The following SNX27 variants were observed in gnomAD, a reference collection of about 807,000 sequenced individuals.
SNX27 encodes the protein sorting nexin-27.
In SNX27, 22 loss-of-function variants were observed where a neutral mutation model predicts 71.6. The ratio of observed to expected loss-of-function variants is 0.31; its 90% CI spans 0.22 to 0.44. The LOEUF (loss-of-function observed/expected upper bound fraction) is 0.44. Among genes scored for constraint, SNX27 ranks in the 20% least tolerant of loss-of-function variants. The pLI, the probability that SNX27 is intolerant of heterozygous loss-of-function variation, is 1.00. For missense variants in SNX27, 531 were observed against 698.6 expected (o/e 0.76, Z 2.70); for synonymous variants, 269 against 277.2 (o/e 0.97, Z 0.29).
chr1:151,667,888 A>G (rs1366987885), intron 6 of SNX27, among the ~76,000 whole-genome samples: 2 of 151,052 alleles, frequency 1.3e-5, no homozygotes, highest in Non-Finnish European at 2.9e-5. Flanking sequence ...TAGCTAATGG[A>G]TTAGATATTT....
chr1:151,648,428 CTTTT>C (rs1267917704), intron 2 of SNX27, among the ~76,000 whole-genome samples: 3 of 151,060 alleles, frequency 2.0e-5, no homozygotes, highest in Admixed American at 2.0e-4. Context: ...TTCTTTCTTT[CTTTT>C]TTTTGAGACG....
intron 3 of SNX27, chr1:151,660,107 T>G (rs992371981): frequency 6.6e-6 from 1 of 152,152 alleles, no homozygotes; most frequent in Non-Finnish European, 1.5e-5. Context: ...TTTTTAAAAA[T>G]CAAACGAAGT....
At chr1:151,625,666 C>G (rs1256177821) in intron 1 of SNX27, among the ~76,000 whole-genome samples, 1 of 151,558 alleles carries the variant, frequency 6.6e-6, no homozygotes, top group East Asian at 1.9e-4. Context: ...GAAACCCCGT[C>G]TCTACTATAA....
chr1:151,626,374 A>G (rs1334786048), intron 1 of SNX27, among the ~76,000 whole-genome samples: 2 of 152,034 alleles, frequency 1.3e-5, no homozygotes, highest in East Asian at 3.8e-4. Flanking sequence ...GAGCCAAGAC[A>G]CTTTTATATT....
chr1:151,689,995 C>T (rs1463338823), intron 8 of SNX27, among the ~76,000 whole-genome samples: 1 of 152,062 alleles, frequency 6.6e-6, no homozygotes, highest in Admixed American at 6.6e-5. Context: ...ATTACAGGTG[C>T]ATGCCACTAT....
rs1453881795 is a variant in SNX27 at position 151,695,356 on chromosome 1, C to T, written c.*939C>T. ...CGACCCTGGCTCAGGAGGTTGATGC[C>T]ATGGGAACCTGAACCTGAAACACTT... On this transcript the variant is annotated 3_prime_UTR_variant, in exon 12 of 12. Coordinates refer to ENST00000458013, the MANE Select transcript of SNX27 (RefSeq NM_001330723.2). The T allele has an allele frequency of 6.6e-6, 1 of 150,648 alleles. No homozygotes were observed. Among genetic ancestry groups the T allele is most frequent in the Non-Finnish European group, 1.5e-5 (1 of 67,894 alleles). The allele number at this position is 150,648 out of a possible 1,614,324, so 9.3% of individuals were successfully genotyped here. A position where few individuals can be genotyped will look rare whatever the true frequency, so the allele number is the denominator to read the frequency against.
At chr1:151,651,873 C>T (rs1048108854) in intron 2 of SNX27, among the ~76,000 whole-genome samples, 4 of 151,884 alleles carry the variant, frequency 2.6e-5, no homozygotes, top group Admixed American at 2.0e-4. Context: ...GAGGTTGTAG[C>T]GAGCCGAGAT....
At chr1:151,672,675 AT>A (rs765009931) in intron 7 of SNX27, among the ~76,000 whole-genome samples, 1 of 151,902 alleles carries the variant, frequency 6.6e-6, no homozygotes, top group Non-Finnish European at 1.5e-5. Flanking sequence ...GTTGCTTGTT[AT>A]TAGTATGTTC....
chr1:151,658,074 T>C (rs1669783052), intron 2 of SNX27, among the ~76,000 whole-genome samples, 161 bp from the exon 3 acceptor site: 1 of 152,180 alleles, frequency 6.6e-6, no homozygotes, highest in Non-Finnish European at 1.5e-5. Flanking sequence ...ACTTTATGCA[T>C]GTTTGTCAAA....
At chr1:151,687,642 C>G (rs1558075244) in intron 8 of SNX27, among the ~76,000 whole-genome samples, 1 of 152,132 alleles carries the variant, frequency 6.6e-6, no homozygotes. Flanking sequence ...CTGTTAAACA[C>G]TGAGTCTCTG....
intron 2 of SNX27, among the ~76,000 whole-genome samples, chr1:151,648,744 TA>T (rs34407525): frequency 0.55 from 83,623 of 151,444 alleles, 24,641 homozygotes; most frequent in Non-Finnish European, 0.68. Context: ...TGATGCACTT[TA>T]TTCCTTTGTG....
At chr1:151,647,696 C>A (rs1669112135) in intron 2 of SNX27, among the ~76,000 whole-genome samples, 1 of 126,964 alleles carries the variant, frequency 7.9e-6, no homozygotes. Context: ...CAAGGCAGAG[C>A]CAAACCCAAT....
rs181974949 is a variant in SNX27, at chr1:151,695,271, C to G, written c.*854C>G. The G allele has an allele frequency of 2.6e-5, 4 of 152,228 alleles. No individual in the cohort carries two copies. Among genetic ancestry groups the G allele is most frequent in the Admixed American group, 1.3e-4 (2 of 15,272 alleles). 9.4% of individuals were successfully genotyped at this position (152,228 alleles called of 1,614,324 possible). On this transcript the variant is annotated 3_prime_UTR_variant, in exon 12 of 12. Coordinates refer to ENST00000458013, the MANE Select transcript of SNX27 (RefSeq NM_001330723.2). ...ATCTATTTCTCTCACTCCTGGCTTT[C>G]TAGCCACATTCTGCACCTCCTTCCT... is the stretch of plus-strand genomic sequence containing the variant.
intron 7 of SNX27, chr1:151,669,503 C>A (rs553151018): frequency 4.1e-4 from 62 of 152,298 alleles, no homozygotes; most frequent in African/African-American, 1.5e-3. Flanking sequence ...TCAGTTCAGA[C>A]CCATCAGGTA....
chr1:151,624,761 T>A (rs570152346), intron 1 of SNX27, among the ~76,000 whole-genome samples: 1 of 152,268 alleles, frequency 6.6e-6, no homozygotes, highest in Non-Finnish European at 1.5e-5. Context: ...ATTTATTTTT[T>A]AAATATCTTA....
chr1:151,683,479 G>A (rs1329300021), intron 8 of SNX27, 34 bp downstream of exon 8: 7 of 1,514,152 alleles, frequency 4.6e-6, no homozygotes, highest in Non-Finnish European at 6.4e-6. Flanking sequence ...CTTTAAAAAT[G>A]CCCCTTCCTA....
chr1:151,622,217 A>G (rs1395801334), intron 1 of SNX27, among the ~76,000 whole-genome samples: 1 of 152,198 alleles, frequency 6.6e-6, no homozygotes, highest in African/African-American at 2.4e-5. Flanking sequence ...ATATCTTGTT[A>G]CTAATTTGTA....
Position 151,692,929 on chromosome 1 carries a change from G to T in SNX27, c.1408G>T (p.Glu470Ter). Residue 470 changes from glutamate to a stop codon, truncating the protein, a stop_gained, in exon 10 of 12, where the codon GAA (glutamate) becomes TAA (stop). Coordinates refer to ENST00000458013, the MANE Select transcript of SNX27 (RefSeq NM_001330723.2). LOFTEE classifies it high-confidence loss of function. ...GQLENQVIAF[E>*]WDEMQRWDTD... ...TGTCCAGAACCAGGTAATTGCATTT[G>T]AATGGGATGAGATGCAGCGATGGGA... 1 of 1,614,166 alleles carries T rather than the reference G, an allele frequency of 6.2e-7. No individual in the cohort carries two copies. Among genetic ancestry groups the T allele is most frequent in the South Asian group, 1.1e-5 (1 of 91,082 alleles).
chr1:151,626,290 A>C (rs2102608315), intron 1 of SNX27, among the ~76,000 whole-genome samples: 1 of 150,370 alleles, frequency 6.7e-6, no homozygotes. Context: ...TTTTCCCTAC[A>C]TTTGCCAAAG....
Sources: gnomAD v4.1 joint callset for allele counts (sites outside exome capture counted in the v4.1 genomes callset) on GRCh38, gnomAD v4.1.1 for gene constraint, MANE v1.5 for transcripts, NCBI Gene and HGNC (gene_info 2026-07-23, HGNC 2026-07-21) for gene names.